Variants in DNAH7 observed in about 807,000 individuals in gnomAD.
DNAH7 encodes the protein axonemal beta dynein heavy chain 7.
DNAH7 carries 397 observed loss-of-function variants against 444.6 expected under a neutral mutation model. That is an observed-to-expected ratio of 0.89 (90% CI 0.82 to 0.97). The LOEUF (loss-of-function observed/expected upper bound fraction) is 0.97, where lower values mean the gene tolerates loss of function less well. DNAH7 is among the 50% of genes least tolerant of loss of function. The pLI is 0.00. For missense variants in DNAH7, 4,902 were observed against 4,800.8 expected (o/e 1.02, Z -0.62); for synonymous variants, 1,636 against 1,624.4 (o/e 1.01, Z -0.17).
At chr2:195,902,599 T>A (rs989920235) in intron 27 of DNAH7, 4 of 152,192 alleles carry the variant, frequency 2.6e-5, no homozygotes, top group Non-Finnish European at 5.9e-5. Context: ...TAGGTTTCCC[T>A]TTGACCACCC....
intron 9 of DNAH7, 146 bp downstream of exon 9, chr2:196,019,019 CTTTGT>C (rs1695202781): frequency 2.0e-6 from 2 of 983,280 alleles, no homozygotes; most frequent in Admixed American, 4.0e-5. Flanking sequence ...CTATATACTT[CTTTGT>C]TGTTTATTTA....
At chr2:195,860,543 G>A (rs16841157) in intron 42 of DNAH7, among the ~76,000 whole-genome samples, 5,503 of 152,114 alleles carry the variant, frequency 0.036, 300 homozygotes, top group African/African-American at 0.13. Context: ...GTAGACCACA[G>A]TGACTATGAC....
intron 17 of DNAH7, among the ~76,000 whole-genome samples, chr2:195,963,231 C>A (rs561965583): frequency 6.6e-6 from 1 of 152,316 alleles, no homozygotes; most frequent in South Asian, 2.1e-4. Context: ...TTCCAATCAA[C>A]AGTGTAAGAA....
chr2:195,952,438 G>A (rs1690327458), intron 19 of DNAH7, among the ~76,000 whole-genome samples: 1 of 152,068 alleles, frequency 6.6e-6, no homozygotes, highest in Non-Finnish European at 1.5e-5. Context: ...TATCTCTGTG[G>A]TGTTCTCTGT....
Position 195,976,756 on chromosome 2 carries a change from AGAGAG to A in DNAH7, c.1834-4295_1834-4291del, listed in dbSNP as rs1559294911. Among the ~76,000 whole-genome samples the A allele has an allele frequency of 2.5e-3, 345 of 136,222 alleles. 2 individuals carry two copies. Among genetic ancestry groups the A allele is most frequent in the African/African-American group, 8.8e-3 (335 of 38,152 alleles). The allele number at this position is 136,222 out of a possible 152,430, so 89.4% of individuals were successfully genotyped here. On this transcript the variant is annotated intron_variant, in intron 15 of 64. Transcript: ENST00000312428. ...GAGACAGAGAGGCAGACAGAGAGAG[AGAGAG>A]AGAGAGAGAGAGAGAGAGAGAGAGA...
At chr2:195,953,746 A>G (rs908386940) in intron 19 of DNAH7, among the ~76,000 whole-genome samples, 1 of 152,220 alleles carries the variant, frequency 6.6e-6, no homozygotes, top group East Asian at 1.9e-4. Flanking sequence ...ACTGTAAGCC[A>G]GTTATATTAA....
intron 63 of DNAH7, among the ~76,000 whole-genome samples, chr2:195,749,660 T>G (rs565539684): frequency 1.4e-4 from 21 of 151,522 alleles, no homozygotes; most frequent in Middle Eastern, 3.4e-3. Flanking sequence ...CCATAAAAAA[T>G]GATGAGTTCA....
intron 63 of DNAH7, among the ~76,000 whole-genome samples, chr2:195,750,817 G>A (rs1693755847): frequency 6.6e-6 from 1 of 152,154 alleles, no homozygotes; most frequent in African/African-American, 2.4e-5. Context: ...AGGTATCCAT[G>A]CTGTTTCTTT....
At chr2:195,774,962 A>C (rs1006852292) in intron 60 of DNAH7, among the ~76,000 whole-genome samples, 3 of 152,228 alleles carry the variant, frequency 2.0e-5, no homozygotes, top group Non-Finnish European at 4.4e-5. Flanking sequence ...TTTCAAAAAC[A>C]AATCAAATTA....
intron 63 of DNAH7, among the ~76,000 whole-genome samples, chr2:195,752,107 C>T (rs1054936310): frequency 1.3e-5 from 2 of 151,740 alleles, no homozygotes; most frequent in African/African-American, 2.4e-5. Flanking sequence ...CCTGTCTATA[C>T]AAAAAAATGA....
At chr2:195,852,915 C>CACACACAG (rs1553537158) in intron 46 of DNAH7, among the ~76,000 whole-genome samples, 4 of 84,580 alleles carry the variant, frequency 4.7e-5, no homozygotes, top group Admixed American at 1.3e-4. Flanking sequence ...CACACACACA[C>CACACACAG]AGAGAGAGAG....
At chr2:195,972,761 G>T (rs62203369) in intron 15 of DNAH7, among the ~76,000 whole-genome samples, 17,743 of 152,242 alleles carry the variant, frequency 0.12, 1,341 homozygotes, top group African/African-American at 0.21. Flanking sequence ...TGAGTGAAGA[G>T]TTACTCTTTC....
intron 46 of DNAH7, among the ~76,000 whole-genome samples, chr2:195,847,330 T>C (rs1025198758): frequency 6.6e-6 from 1 of 151,876 alleles, no homozygotes; most frequent in Non-Finnish European, 1.5e-5. Context: ...AGTAAGATCA[T>C]GTCCTCTGCA....
At position 195,960,566 on chromosome 2, in the gene DNAH7, C is replaced by G; in HGVS notation, c.2585G>C (p.Gly862Ala). ...RHWEAMSAIV[G>A]YPLQPSDDST... ...GTCATCTGATGGCTGCAAAGGGTAA[C>G]CAACAATGGCAGACATGGCCTCCCA... The change falls in exon 18 of 65, where the codon GGT (glycine) becomes GCT (alanine). Residue 862 changes from glycine to alanine, a missense_variant. Transcript: ENST00000312428. 6.2e-7 allele frequency: 1 copy of G among 1,614,198 alleles called. No individual in the cohort carries two copies. Among genetic ancestry groups the G allele is most frequent in the Non-Finnish European group, 8.5e-7 (1 of 1,180,024 alleles).
rs547185809 is a variant in DNAH7 at position 195,999,189 on chromosome 2, G to T, written c.1353+1515C>A. 7.0e-6 allele frequency: 5 copies of T among 717,426 alleles called. No homozygotes were observed. The Admixed American group carries it at 1.0e-4, about 14-fold the overall frequency. The allele number at this position is 717,426 out of a possible 1,614,324, so 44.4% of individuals were successfully genotyped here. On this transcript the variant is annotated intron_variant, in intron 12 of 64. Coordinates refer to ENST00000312428, the MANE Select transcript of DNAH7 (RefSeq NM_018897.3). The stretch of plus-strand genomic sequence containing the variant: ...ACGAAACTTCAGAATGCTGAAAGGT[G>T]ACAGACCTTTGAATATGAGAAAAGT...
At chr2:195,957,116 T>G in intron 19 of DNAH7, 145 bp downstream of exon 19, 1 of 672,308 alleles carries the variant, frequency 1.5e-6, no homozygotes. Flanking sequence ...GCTCCTGGCA[T>G]TCTAAAATAA....
At chr2:196,062,766 G>A (rs1698199946) in intron 1 of DNAH7, among the ~76,000 whole-genome samples, 1 of 152,136 alleles carries the variant, frequency 6.6e-6, no homozygotes, top group African/African-American at 2.4e-5. Context: ...AATTAGCAAT[G>A]CCTCCCTTTA....
intron 57 of DNAH7, among the ~76,000 whole-genome samples, 190 bp downstream of exon 57, chr2:195,794,148 C>T (rs1696024690): frequency 6.6e-6 from 1 of 152,012 alleles, no homozygotes; most frequent in African/African-American, 2.4e-5. Context: ...GAGGCTGGTG[C>T]TAAAATTAAA....
chr2:195,949,997 G>A (rs1319306799), intron 19 of DNAH7, among the ~76,000 whole-genome samples: 1 of 152,074 alleles, frequency 6.6e-6, no homozygotes, highest in African/African-American at 2.4e-5. Context: ...TGCTAGATTT[G>A]GTTTGCCAGT....
Sources: allele counts gnomAD v4.1 joint callset (sites outside exome capture counted in the v4.1 genomes callset), GRCh38; gene constraint gnomAD v4.1.1; transcripts MANE v1.5; gene names NCBI Gene and HGNC (gene_info 2026-07-23, HGNC 2026-07-21).